GRAMD1B: variants seen among roughly 807,000 people sequenced by gnomAD.
The protein encoded by GRAMD1B is GRAM domain containing 1B, also known as protein Aster-B.
GRAMD1B carries 37 observed loss-of-function variants against 99.7 expected under a neutral mutation model. That is an observed-to-expected ratio of 0.37 (90% confidence interval 0.29 to 0.49). GRAMD1B has a LOEUF of 0.49. GRAMD1B is among the 20% of genes least tolerant of loss of function. The pLI, the probability that GRAMD1B is intolerant of heterozygous loss-of-function variation, is 0.98. For missense variants in GRAMD1B, 888 were observed against 1,009.2 expected (o/e 0.88, Z 1.63); for synonymous variants, 427 against 387.6 (o/e 1.10, Z -1.19).
chr11:123,380,607 T>G (rs1266972829), intron 1 of GRAMD1B, among the ~76,000 whole-genome samples: 3 of 152,170 alleles, frequency 2.0e-5, no homozygotes, highest in Non-Finnish European at 2.9e-5. Context: ...ATGGACCCTT[T>G]GTAGTTGGCG....
At chr11:123,400,880 A>G (rs1351079117) in intron 1 of GRAMD1B, among the ~76,000 whole-genome samples, 1 of 152,170 alleles carries the variant, frequency 6.6e-6, no homozygotes, top group Non-Finnish European at 1.5e-5. Flanking sequence ...GCTGGGTGCT[A>G]TTACTACCCT....
intron 2 of GRAMD1B, among the ~76,000 whole-genome samples, chr11:123,522,750 G>C (rs1436365602): frequency 6.6e-6 from 1 of 152,198 alleles, no homozygotes; most frequent in Non-Finnish European, 1.5e-5. Flanking sequence ...GGGCTCTCCT[G>C]TTCTTCCTTC....
chr11:123,551,659 A>G (rs1043516294), intron 2 of GRAMD1B, among the ~76,000 whole-genome samples: 8 of 152,172 alleles, frequency 5.3e-5, no homozygotes, highest in South Asian at 2.1e-4. Flanking sequence ...GGCAAATGAA[A>G]TTACTCTAAT....
At chr11:123,595,084 A>G (rs573829940) in intron 6 of GRAMD1B, among the ~76,000 whole-genome samples, 2 of 152,288 alleles carry the variant, frequency 1.3e-5, no homozygotes, top group African/African-American at 4.8e-5. Context: ...GCTTTTGTCA[A>G]ATGCAGGCAA....
intron 7 of GRAMD1B, among the ~76,000 whole-genome samples, chr11:123,597,256 CTTTT>C (rs71060518): frequency 1.3e-5 from 1 of 76,544 alleles, no homozygotes; most frequent in African/African-American, 6.3e-5. Context: ...GCCACTATGC[CTTTT>C]TTTTTTTTTT....
chr11:123,444,585 A>T (rs1053846504), intron 1 of GRAMD1B, among the ~76,000 whole-genome samples: 1 of 152,044 alleles, frequency 6.6e-6, no homozygotes, highest in African/African-American at 2.4e-5. Flanking sequence ...CATGGCCCGA[A>T]TTAGTTTTTT....
chr11:123,379,847 A>C (rs936358208), intron 1 of GRAMD1B, among the ~76,000 whole-genome samples: 2 of 152,188 alleles, frequency 1.3e-5, no homozygotes, highest in South Asian at 2.1e-4. Flanking sequence ...CCTCGTCAGC[A>C]CTTGTTATCA....
intron 4 of GRAMD1B, among the ~76,000 whole-genome samples, chr11:123,593,137 C>G (rs532697933): frequency 6.6e-5 from 10 of 152,154 alleles, no homozygotes; most frequent in Non-Finnish European, 1.5e-4. Context: ...GAGGCTGAGG[C>G]AGGAGAATCG....
At chr11:123,486,337 C>G (rs1428087358) in intron 2 of GRAMD1B, among the ~76,000 whole-genome samples, 1 of 152,042 alleles carries the variant, frequency 6.6e-6, no homozygotes, top group Non-Finnish European at 1.5e-5. Flanking sequence ...TGCCTGAGCT[C>G]AGGAGTTTGA....
At chr11:123,613,349 C>G in intron 15 of GRAMD1B, 106 bp from the exon 16 acceptor site, 1 of 832,794 alleles carries the variant, frequency 1.2e-6, no homozygotes, top group Non-Finnish European at 1.9e-6. Flanking sequence ...GGATCCTCAA[C>G]CCACCCAACC....
intron 1 of GRAMD1B, among the ~76,000 whole-genome samples, chr11:123,386,790 TC>T (rs1235183514): frequency 1.3e-5 from 2 of 152,254 alleles, no homozygotes; most frequent in East Asian, 1.9e-4. Flanking sequence ...AGCTGCCCAG[TC>T]CCCACTGGCC....
At chr11:123,505,389 A>G (rs1259007853) in intron 2 of GRAMD1B, among the ~76,000 whole-genome samples, 4 of 152,000 alleles carry the variant, frequency 2.6e-5, no homozygotes, top group African/African-American at 7.3e-5. Flanking sequence ...TGTCCACTCT[A>G]CCTCTACAAT....
chr11:123,383,205 G>GCTCT lies in GRAMD1B; in HGVS notation c.-176+24434_-176+24437dup, dbSNP rs55890434. On this transcript the variant is annotated intron_variant, in intron 1 of 20. Coordinates refer to the GRAMD1B transcript ENST00000638157. ...AGAGTGCTTCCTACTTCAGAGTCTT[G>GCTCT]CTCTCTCTCTCTCTCTCTCTCTCTC... 1.6e-3 allele frequency among the ~76,000 whole-genome samples: 241 copies of GCTCT among 146,956 alleles called. 1 individual carries two copies. Among genetic ancestry groups the GCTCT allele is most frequent in the South Asian group, 0.012 (56 of 4,510 alleles).
rs556959788 is a variant in GRAMD1B at position 123,452,645 on chromosome 11, C to CA, written c.374+21489dup. Reference sequence around the variant, plus strand: ...TGGGTGACAGAGTGAGACTCTGTCTCAAAAAAAAAAGACCTTCCTTAATAA... The same window carrying CA: ...TGGGTGACAGAGTGAGACTCTGTCTCAAAAAAAAAAAGACCTTCCTTAATAA... On this transcript the variant is annotated intron_variant, in intron 1 of 19. Transcript: ENST00000635736. 2.4e-3 allele frequency among the ~76,000 whole-genome samples: 343 copies of CA among 142,856 alleles called. 14 individuals are homozygous for CA. The South Asian group carries it at 0.061, about 25-fold the overall frequency. 93.7% of individuals were successfully genotyped at this position (142,856 alleles called of 152,430 possible). A position where few individuals can be genotyped will look rare whatever the true frequency, so the allele number is the denominator to read the frequency against.
At chr11:123,556,156 T>C (rs1292791156) in intron 2 of GRAMD1B, among the ~76,000 whole-genome samples, 1 of 152,200 alleles carries the variant, frequency 6.6e-6, no homozygotes. Flanking sequence ...CTCAGAAATC[T>C]CCTAAATGAC....
chr11:123,604,540 T>C (rs1432696042), intron 9 of GRAMD1B, among the ~76,000 whole-genome samples: 1 of 152,166 alleles, frequency 6.6e-6, no homozygotes, highest in Non-Finnish European at 1.5e-5. Context: ...AGCTTGGTGG[T>C]CGTGCAAGAG....
At chr11:123,368,275 A>AAAAAAAAAAAAAG (rs60644137) in intron 1 of GRAMD1B, among the ~76,000 whole-genome samples, 60 of 127,094 alleles carry the variant, frequency 4.7e-4, no homozygotes, top group African/African-American at 1.4e-3. Context: ...AAAAAAAAAA[A>AAAAAAAAAAAAAG]AAAGAAAGAA....
chr11:123,536,765 A>G (rs571807566), intron 2 of GRAMD1B, among the ~76,000 whole-genome samples: 67 of 152,152 alleles, frequency 4.4e-4, no homozygotes, highest in African/African-American at 1.5e-3. Context: ...CCTTCCTTTC[A>G]AGTGAACAGC....
intron 2 of GRAMD1B, among the ~76,000 whole-genome samples, chr11:123,530,301 A>G (rs1454435932): frequency 1.3e-5 from 2 of 151,730 alleles, no homozygotes; most frequent in Admixed American, 1.3e-4. Flanking sequence ...ATTCTTTTCA[A>G]TCTGTTGGCA....
Sources: allele counts gnomAD v4.1 joint callset (sites outside exome capture counted in the v4.1 genomes callset), GRCh38; gene constraint gnomAD v4.1.1; transcripts MANE v1.5; gene names NCBI Gene and HGNC (gene_info 2026-07-23, HGNC 2026-07-21).